The following GRK3 variants were observed in gnomAD, a reference collection of about 807,000 sequenced individuals.
The protein encoded by GRK3 is G protein-coupled receptor kinase 3, also known as adrenergic, beta, receptor kinase 2.
GRK3 carries 54 observed loss-of-function variants against 95.7 expected under a neutral mutation model. That is an observed-to-expected ratio of 0.56 (90% confidence interval 0.45 to 0.71). GRK3 has a LOEUF of 0.71. Among genes scored for constraint, GRK3 ranks in the 30% least tolerant of loss-of-function variants. The pLI is 0.00. For missense variants in GRK3, 649 were observed against 851.2 expected (o/e 0.76, Z 2.96); for synonymous variants, 281 against 290.8 (o/e 0.97, Z 0.34).
At chr22:25,680,531 G>A (rs1454663981) in intron 9 of GRK3, among the ~76,000 whole-genome samples, 1 of 152,168 alleles carries the variant, frequency 6.6e-6, no homozygotes, top group Non-Finnish European at 1.5e-5. Flanking sequence ...AAAAACATAA[G>A]TATAGTTTTC....
At chr22:25,577,736 G>A (rs1365302298) in intron 1 of GRK3, among the ~76,000 whole-genome samples, 1 of 152,218 alleles carries the variant, frequency 6.6e-6, no homozygotes, top group Admixed American at 6.5e-5. Flanking sequence ...TGCATGAGAT[G>A]TCAGAACTCT....
At chr22:25,685,551 T>G (rs765216923) in intron 10 of GRK3, among the ~76,000 whole-genome samples, 9 of 152,222 alleles carry the variant, frequency 5.9e-5, no homozygotes, top group African/African-American at 1.2e-4. Flanking sequence ...TTTAATTAGC[T>G]TATTTCCTGG....
chr22:25,619,660 T>G (rs910973658), intron 2 of GRK3, among the ~76,000 whole-genome samples: 5 of 145,732 alleles, frequency 3.4e-5, no homozygotes, highest in Non-Finnish European at 6.0e-5. Flanking sequence ...GTTTTTTTTT[T>G]TTTTTTTTTT....
At chr22:25,623,362 T>C (rs186111803) in intron 2 of GRK3, among the ~76,000 whole-genome samples, 3,502 of 152,326 alleles carry the variant, frequency 0.023, 73 homozygotes, top group Middle Eastern at 0.082. Context: ...ATTCCCGCCG[T>C]GTAAGCCCCT....
At position 25,581,808 on chromosome 22, in the gene GRK3, GA is replaced by G. The variant is rs879408747; in HGVS notation, c.113+16667del. On this transcript the variant is annotated intron_variant, in intron 1 of 20. Coordinates refer to ENST00000324198, the MANE Select transcript of GRK3 (RefSeq NM_005160.4). The stretch of plus-strand genomic sequence containing the variant: ...ACGGCTCTGATGTTTAAATTTAGCA[GA>G]AAAAAAAAAAAGTAACCCATGCTCT... Among the ~76,000 whole-genome samples, 789 of 141,004 alleles carry G rather than the reference GA, an allele frequency of 5.6e-3. 4 individuals are homozygous for G. Among genetic ancestry groups the G allele is most frequent in the Non-Finnish European group, 7.5e-3 (485 of 64,452 alleles). 92.5% of individuals were successfully genotyped at this position (141,004 alleles called of 152,430 possible).
chr22:25,571,174 C>T (rs1931688971), intron 1 of GRK3, among the ~76,000 whole-genome samples: 1 of 152,202 alleles, frequency 6.6e-6, no homozygotes, highest in African/African-American at 2.4e-5. Flanking sequence ...ACCAGAAAGC[C>T]ACTGTCATTG....
intron 9 of GRK3, among the ~76,000 whole-genome samples, chr22:25,682,350 T>A (rs2085081516): frequency 6.6e-6 from 1 of 152,096 alleles, no homozygotes; most frequent in African/African-American, 2.4e-5. Flanking sequence ...AACTGGGACT[T>A]ATCCAAGTTA....
chr22:25,723,401 T>C lies in GRK3; in HGVS notation c.*951T>C, dbSNP rs993607140. On this transcript the variant is annotated 3_prime_UTR_variant, in exon 21 of 21. Transcript: ENST00000324198. Reference sequence around the variant, plus strand: ...GGTCTGTTTTATGTCTTAGTATAATTTCAGATGAATTGTATTGAAAAAATG... The same window carrying C: ...GGTCTGTTTTATGTCTTAGTATAATCTCAGATGAATTGTATTGAAAAAATG... 2 of 152,188 alleles carry C rather than the reference T, an allele frequency of 1.3e-5. No homozygotes were observed. Among genetic ancestry groups the C allele is most frequent in the Non-Finnish European group, 2.9e-5 (2 of 68,034 alleles). 9.4% of individuals were successfully genotyped at this position (152,188 alleles called of 1,614,324 possible). A position where few individuals can be genotyped will look rare whatever the true frequency, so the allele number is the denominator to read the frequency against.
intron 1 of GRK3, among the ~76,000 whole-genome samples, chr22:25,586,932 C>T (rs1304554571): frequency 1.3e-5 from 2 of 150,206 alleles, no homozygotes; most frequent in Non-Finnish European, 3.0e-5. Flanking sequence ...CTCATTCAGG[C>T]TGGAGTGCAT....
chr22:25,611,733 GTC>G (rs1223488971), intron 2 of GRK3, among the ~76,000 whole-genome samples: 4 of 151,694 alleles, frequency 2.6e-5, no homozygotes, highest in Non-Finnish European at 5.9e-5. Context: ...CTGGAATCCA[GTC>G]TCTTTCATTT....
At chr22:25,608,620 C>G (rs2084470597) in intron 2 of GRK3, among the ~76,000 whole-genome samples, 1 of 152,208 alleles carries the variant, frequency 6.6e-6, no homozygotes, top group African/African-American at 2.4e-5. Context: ...TCACTAGGAG[C>G]TGAGAGTGGC....
intron 9 of GRK3, among the ~76,000 whole-genome samples, chr22:25,683,222 G>T (rs1273163558): frequency 6.6e-6 from 1 of 152,256 alleles, no homozygotes; most frequent in Non-Finnish European, 1.5e-5. Flanking sequence ...GCTGATCCAT[G>T]ATCTATATGG....
At chr22:25,625,913 A>G (rs983026694) in intron 2 of GRK3, among the ~76,000 whole-genome samples, 21 of 152,106 alleles carry the variant, frequency 1.4e-4, no homozygotes, top group African/African-American at 4.8e-4. Context: ...ATCATTGGAG[A>G]TGACTCACAC....
At chr22:25,633,286 T>C (rs1435947856) in intron 2 of GRK3, among the ~76,000 whole-genome samples, 1 of 152,194 alleles carries the variant, frequency 6.6e-6, no homozygotes, top group Non-Finnish European at 1.5e-5. Context: ...ATTCTAGTTC[T>C]TTTGATTTTT....
chr22:25,709,933 G>T lies in GRK3; in HGVS notation c.1364G>T (p.Gly455Val), dbSNP rs201388100. The T allele has an allele frequency of 1.9e-4, 306 of 1,613,880 alleles. 1 individual carries two copies. Among genetic ancestry groups the T allele is most frequent in the Middle Eastern group, 1.6e-4 (1 of 6,062 alleles). The change falls in exon 16 of 21, where the codon GGT becomes GTT. Residue 455 changes from glycine (G) to valine (V), a missense_variant. Gly to Val is a moderately radical substitution (Grantham distance 109). Transcript: ENST00000324198. The part of the protein sequence containing the change: ...QEVKEHSFFK[G>V]VDWQHVYLQK... ...GTAAAAGAGCACAGCTTTTTCAAAG[G>T]TGTTGACTGGCAGCATGTCTACTTA...
At chr22:25,584,269 A>C (rs1601451813) in intron 1 of GRK3, among the ~76,000 whole-genome samples, 2 of 152,282 alleles carry the variant, frequency 1.3e-5, no homozygotes, top group South Asian at 4.1e-4. Flanking sequence ...AAATTCCAGA[A>C]ATAGATAATT....
chr22:25,603,510 T>A (rs2084423401), intron 1 of GRK3, among the ~76,000 whole-genome samples: 1 of 152,228 alleles, frequency 6.6e-6, no homozygotes, highest in Non-Finnish European at 1.5e-5. Flanking sequence ...GTTTATCCTG[T>A]CTTTATTATT....
At chr22:25,629,699 T>C (rs906672916) in intron 2 of GRK3, among the ~76,000 whole-genome samples, 6 of 152,206 alleles carry the variant, frequency 3.9e-5, no homozygotes, top group African/African-American at 1.2e-4. Context: ...TGCAGTAACA[T>C]GAATGTCTTA....
intron 10 of GRK3, among the ~76,000 whole-genome samples, chr22:25,687,085 G>A (rs906553912): frequency 6.6e-6 from 1 of 151,844 alleles, no homozygotes; most frequent in Non-Finnish European, 1.5e-5. Flanking sequence ...CTCCCAAAGT[G>A]CTGGGATTAT....
Sources: allele counts gnomAD v4.1 joint callset (sites outside exome capture counted in the v4.1 genomes callset), GRCh38; gene constraint gnomAD v4.1.1; transcripts MANE v1.5; gene names NCBI Gene and HGNC (gene_info 2026-07-23, HGNC 2026-07-21).